Variants in ANK2 observed in about 807,000 individuals in gnomAD.
ANK2 encodes the protein ankyrin-2.
Under a neutral mutation model 360.5 loss-of-function variants are expected in ANK2, and 83 were observed. The observed-to-expected ratio is 0.23, with a 90% confidence interval of 0.19 to 0.28. The LOEUF is 0.28. Among genes scored for constraint, ANK2 ranks in the 10% least tolerant of loss-of-function variants. ANK2 has a pLI of 1.00. For synonymous variants in ANK2, 1,740 were observed against 1,759.5 expected (o/e 0.99, Z 0.28); for missense variants, 4,201 against 4,795.7 (o/e 0.88, Z 3.66).
chr4:112,872,406 C>T (rs149385039), intron 1 of ANK2, among the ~76,000 whole-genome samples: 9 of 151,694 alleles, frequency 5.9e-5, no homozygotes, highest in African/African-American at 1.9e-4. Flanking sequence ...GGCATGATCT[C>T]GGCTCACCAC....
chr4:112,939,349 G>A (rs993822194), intron 2 of ANK2, among the ~76,000 whole-genome samples: 19 of 152,050 alleles, frequency 1.2e-4, no homozygotes, highest in Non-Finnish European at 2.9e-5. Flanking sequence ...CACTCTTGTT[G>A]CCCAGGCTGG....
chr4:113,138,572 G>A (rs1215330835), intron 1 of ANK2, among the ~76,000 whole-genome samples: 9 of 152,194 alleles, frequency 5.9e-5, no homozygotes, highest in Admixed American at 5.9e-4. Context: ...CTGCCTGGAA[G>A]TGTATTTTCA....
chr4:113,162,925 T>C (rs2097585834), intron 1 of ANK2, among the ~76,000 whole-genome samples: 1 of 152,148 alleles, frequency 6.6e-6, no homozygotes, highest in African/African-American at 2.4e-5. Context: ...TTATTTCAAC[T>C]ATTTATCATA....
intron 23 of ANK2, among the ~76,000 whole-genome samples, chr4:113,310,418 A>G (rs1227565660): frequency 2.6e-5 from 4 of 151,872 alleles, no homozygotes; most frequent in Non-Finnish European, 4.4e-5. Flanking sequence ...AGAGTATATA[A>G]GCAGACTTTT....
chr4:113,051,317 C>G (rs920854366), intron 1 of ANK2, among the ~76,000 whole-genome samples: 1 of 152,064 alleles, frequency 6.6e-6, no homozygotes, highest in Admixed American at 6.5e-5. Flanking sequence ...ACAATATACT[C>G]AGGACTATTA....
chr4:113,292,586 G>A (rs2068315338), intron 21 of ANK2, 72 bp downstream of exon 21: 2 of 1,419,148 alleles, frequency 1.4e-6, no homozygotes, highest in Admixed American at 2.0e-5. Flanking sequence ...CTTCTTGTCT[G>A]AGCTGAGTGA....
At chr4:113,244,765 C>T (rs2041929723) in intron 9 of ANK2, among the ~76,000 whole-genome samples, 1 of 152,176 alleles carries the variant, frequency 6.6e-6, no homozygotes, top group Admixed American at 6.5e-5. Context: ...TATCCCTCTC[C>T]TACACCCGTC....
intron 2 of ANK2, among the ~76,000 whole-genome samples, chr4:112,927,959 C>T (rs1195666090): frequency 1.3e-5 from 2 of 152,162 alleles, no homozygotes; most frequent in Non-Finnish European, 2.9e-5. Context: ...ATTAAGAAAA[C>T]TCCAGCTGTG....
chr4:113,147,171 A>AG (rs1259132125), intron 1 of ANK2, among the ~76,000 whole-genome samples: 1 of 152,196 alleles, frequency 6.6e-6, no homozygotes, highest in Non-Finnish European at 1.5e-5. Flanking sequence ...TCAAAAACGA[A>AG]GAAAAAAAAA....
chr4:112,760,228 C>G, the ANK2 span, among the ~76,000 whole-genome samples: 5 of 147,862 alleles, frequency 3.4e-5, no homozygotes, highest in Non-Finnish European at 5.9e-5. Flanking sequence ...GCTCTGTTGT[C>G]CGGGCTGGAG....
intron 22 of ANK2, among the ~76,000 whole-genome samples, chr4:113,294,379 C>T (rs1007057557): frequency 1.3e-5 from 2 of 152,134 alleles, no homozygotes; most frequent in Non-Finnish European, 2.9e-5. Flanking sequence ...AATTTAGCTT[C>T]GTAAAGTAGA....
intron 1 of ANK2, among the ~76,000 whole-genome samples, chr4:113,111,156 A>T (rs2154365662): frequency 6.6e-6 from 1 of 152,318 alleles, no homozygotes; most frequent in South Asian, 2.1e-4. Context: ...AGTCACATAA[A>T]GAATAACAAT....
At chr4:113,228,503 A>G (rs1013751710) in intron 4 of ANK2, among the ~76,000 whole-genome samples, 1 of 152,184 alleles carries the variant, frequency 6.6e-6, no homozygotes, top group Non-Finnish European at 1.5e-5. Flanking sequence ...GGTTGCTGCA[A>G]ATGCCATTAT....
At chr4:113,349,292 TA>T (rs2095231981) in intron 36 of ANK2, among the ~76,000 whole-genome samples, 1 of 129,796 alleles carries the variant, frequency 7.7e-6, no homozygotes, top group Non-Finnish European at 1.5e-5. Flanking sequence ...AAACTTAAAA[TA>T]ATATGTTTCT....
chr4:113,318,426 C>G, intron 25 of ANK2, 91 bp from the exon 26 acceptor site: 1 of 1,047,106 alleles, frequency 9.6e-7, no homozygotes, highest in Non-Finnish European at 1.5e-6. Flanking sequence ...GGTTATACCA[C>G]TTTCCAGTGA....
At chr4:113,329,627 G>A (rs2091785098) in intron 26 of ANK2, among the ~76,000 whole-genome samples, 1 of 152,112 alleles carries the variant, frequency 6.6e-6, no homozygotes, top group Non-Finnish European at 1.5e-5. Context: ...AATTAGAATG[G>A]TATGGCAGAG....
the ANK2 span, among the ~76,000 whole-genome samples, chr4:112,756,068 T>A: frequency 6.6e-6 from 1 of 151,888 alleles, no homozygotes. Flanking sequence ...TGAAACCCCA[T>A]CTCTACTAAA....
At chr4:112,914,785 C>T (rs1448344581) in intron 2 of ANK2, among the ~76,000 whole-genome samples, 6 of 152,082 alleles carry the variant, frequency 3.9e-5, no homozygotes, top group South Asian at 2.1e-4. Flanking sequence ...TGGAAAGAGC[C>T]GATCCTACCC....
intron 2 of ANK2, among the ~76,000 whole-genome samples, chr4:112,917,608 A>G (rs2090269610): frequency 6.6e-6 from 1 of 152,264 alleles, no homozygotes; most frequent in Admixed American, 6.5e-5. Flanking sequence ...ATATATTATT[A>G]GATGACATAC....
Sources: allele counts gnomAD v4.1 joint callset (sites outside exome capture counted in the v4.1 genomes callset), GRCh38; gene constraint gnomAD v4.1.1; transcripts MANE v1.5; gene names NCBI Gene and HGNC (gene_info 2026-07-23, HGNC 2026-07-21).